PUDP: variants seen among roughly 807,000 people sequenced by gnomAD.
The protein encoded by PUDP is pseudouridine 5'-phosphatase.
A neutral mutation model predicts 9.4 loss-of-function variants in PUDP; 8 were observed. That is an observed-to-expected ratio of 0.85 (90% CI 0.50 to 1.53). The LOEUF (loss-of-function observed/expected upper bound fraction) is 1.53, where lower values mean the gene tolerates loss of function less well. Ranked by LOEUF, PUDP falls within the 40% of genes most tolerant of loss-of-function variation. The pLI, the probability that PUDP is intolerant of heterozygous loss-of-function variation, is 0.00. For missense variants in PUDP, 188 were observed against 189.7 expected (o/e 0.99, Z 0.05); for synonymous variants, 99 against 80.7 (o/e 1.23, Z -1.22).
At chrX:6,719,722 T>C (rs1402977956) in intron 1 of PUDP, among the ~76,000 whole-genome samples, 1 of 112,100 alleles carries the variant, frequency 8.9e-6, no homozygotes, top group Non-Finnish European at 1.9e-5. Context: ...AGAAATATGC[T>C]TAGCAAATCA....
At chrX:6,949,327 T>C (rs1928514976) in intron 3 of PUDP, among the ~76,000 whole-genome samples, 2 of 110,579 alleles carry the variant, frequency 1.8e-5, no homozygotes, top group African/African-American at 3.3e-5. Context: ...CCTCCAGATC[T>C]TTATCACCTT....
intron 3 of PUDP, among the ~76,000 whole-genome samples, chrX:6,959,935 A>T (rs950043247): frequency 7.1e-5 from 8 of 112,299 alleles, no homozygotes; most frequent in African/African-American, 2.6e-4. Flanking sequence ...ACAAATACCT[A>T]TTTCTTCCTT....
At chrX:6,824,737 A>G (rs1926398752) in intron 3 of PUDP, among the ~76,000 whole-genome samples, 1 of 112,361 alleles carries the variant, frequency 8.9e-6, no homozygotes, top group South Asian at 3.7e-4. Flanking sequence ...CATTTCTCCT[A>G]TTAATCAATC....
At chrX:6,962,311 T>C (rs1402493666) in intron 3 of PUDP, among the ~76,000 whole-genome samples, 1 of 112,421 alleles carries the variant, frequency 8.9e-6, no homozygotes, top group Non-Finnish European at 1.9e-5. Flanking sequence ...TTGATTGAAA[T>C]ACTACACCCC....
intron 1 of PUDP, among the ~76,000 whole-genome samples, chrX:7,009,433 T>C (rs1929447027): frequency 8.9e-6 from 1 of 112,121 alleles, no homozygotes; most frequent in South Asian, 3.7e-4. Flanking sequence ...TACTAGTTAA[T>C]CTGAGGTACA....
intron 3 of PUDP, among the ~76,000 whole-genome samples, chrX:6,905,654 A>G (rs905065357): frequency 2.7e-5 from 3 of 111,306 alleles, no homozygotes; most frequent in African/African-American, 9.8e-5. Context: ...GAGGATTACA[A>G]TTGGATTACA....
At chrX:6,941,798 T>C (rs1333128241) in intron 3 of PUDP, among the ~76,000 whole-genome samples, 1 of 112,355 alleles carries the variant, frequency 8.9e-6, no homozygotes, top group East Asian at 2.8e-4. Flanking sequence ...ATTACCACGA[T>C]CAAGCTAATT....
chrX:7,120,461 T>G (rs1270513521), intron 1 of PUDP, among the ~76,000 whole-genome samples: 1 of 111,710 alleles, frequency 9.0e-6, no homozygotes, highest in African/African-American at 3.3e-5. Context: ...GCCAATACCT[T>G]GATTTTACCA....
intron 3 of PUDP, among the ~76,000 whole-genome samples, chrX:6,910,309 G>T (rs1440010744): frequency 6.3e-5 from 7 of 111,951 alleles, no homozygotes; most frequent in Non-Finnish European, 9.4e-5. Context: ...TTTTCATTCA[G>T]CAGATTAAAC....
intron 3 of PUDP, among the ~76,000 whole-genome samples, chrX:6,956,089 GC>G (rs1928623191): frequency 8.9e-6 from 1 of 111,931 alleles, no homozygotes; most frequent in Admixed American, 9.5e-5. Context: ...TCGCTCTGTC[GC>G]CCAGGCTGGA....
intron 3 of PUDP, among the ~76,000 whole-genome samples, chrX:6,974,033 G>A (rs942947115): frequency 9.0e-6 from 1 of 111,383 alleles, no homozygotes; most frequent in African/African-American, 3.3e-5. Flanking sequence ...AACCCCTGCT[G>A]TTTTCTGCTT....
Position 7,148,136 on chromosome X carries a change from T to C in PUDP, c.-23A>G, listed in dbSNP as rs762220326. 10 of 1,086,701 alleles carry C rather than the reference T, an allele frequency of 9.2e-6. No individual in the cohort carries two copies. In the South Asian group the frequency reaches 1.9e-4, roughly 20 times the overall value. 89.6% of individuals were successfully genotyped at this position (1,086,701 alleles called of 1,213,427 possible). A position where few individuals can be genotyped will look rare whatever the true frequency, so the allele number is the denominator to read the frequency against. ...CATGGTGGCGCCTTCTGGGTCTGGGTGGGGGCGAGGAGGAAGTGCGCGCGC... is the reference window on the plus strand; with the variant it reads ...CATGGTGGCGCCTTCTGGGTCTGGGCGGGGGCGAGGAGGAAGTGCGCGCGC... On this transcript the variant is annotated 5_prime_UTR_variant, in exon 1 of 4. Coordinates refer to ENST00000381077, the MANE Select transcript of PUDP (RefSeq NM_012080.5).
rs183073228 is a variant in PUDP, at chrX:7,105,514, A to T, written c.280+106T>A. ...GAGGGACTTAGTTTAGATACTGAAG[A>T]AAAGAGGACAAACTAAGCATGCCCT... is the stretch of plus-strand genomic sequence containing the variant. On this transcript the variant is annotated intron_variant, in intron 2 of 3. Transcript: ENST00000381077. 5.8e-4 allele frequency: 319 copies of T among 554,430 alleles called. 1 individual carries two copies. The African/African-American group carries it at 6.6e-3, about 11-fold the overall frequency. The allele number at this position is 554,430 out of a possible 1,213,427, so 45.7% of individuals were successfully genotyped here.
intron 3 of PUDP, among the ~76,000 whole-genome samples, chrX:6,740,578 T>C (rs1037912989): frequency 9.0e-6 from 1 of 111,272 alleles, no homozygotes; most frequent in African/African-American, 3.3e-5. Context: ...TGCCTGTCAG[T>C]ATTGTAATCA....
intron 3 of PUDP, among the ~76,000 whole-genome samples, chrX:6,756,289 AG>A (rs753951334): frequency 2.7e-5 from 3 of 112,429 alleles, no homozygotes; most frequent in Non-Finnish European, 3.8e-5. Flanking sequence ...GGATGTTCAT[AG>A]TAGCACTACT....
intron 1 of PUDP, among the ~76,000 whole-genome samples, chrX:7,124,711 C>T (rs1932432225): frequency 9.0e-6 from 1 of 111,145 alleles, no homozygotes; most frequent in African/African-American, 3.3e-5. Context: ...CTTTGGGAGG[C>T]CGAGGCGGGT....
intron 3 of PUDP, among the ~76,000 whole-genome samples, chrX:6,749,571 G>A (rs1189036864): frequency 8.9e-6 from 1 of 111,967 alleles, no homozygotes; most frequent in Non-Finnish European, 1.9e-5. Context: ...TAAATGATTT[G>A]CAATGGAGAC....
At chrX:6,851,497 G>C (rs910872856) in intron 3 of PUDP, among the ~76,000 whole-genome samples, 5 of 109,155 alleles carry the variant, frequency 4.6e-5, no homozygotes, top group African/African-American at 1.7e-4. Flanking sequence ...GGAGAGAAAG[G>C]GAGAGAGAGA....
At chrX:6,933,169 C>T (rs1422550491) in intron 3 of PUDP, among the ~76,000 whole-genome samples, 3 of 102,605 alleles carry the variant, frequency 2.9e-5, no homozygotes, top group Non-Finnish European at 6.1e-5. Context: ...ACTGCCTCCT[C>T]AAGTGGGTCC....
Sources: gnomAD v4.1 joint callset for allele counts (sites outside exome capture counted in the v4.1 genomes callset) on GRCh38, gnomAD v4.1.1 for gene constraint, MANE v1.5 for transcripts, NCBI Gene and HGNC (gene_info 2026-07-23, HGNC 2026-07-21) for gene names.